Variants in CPZ observed in about 807,000 individuals in gnomAD.
CPZ encodes the protein VEZT/CPZ fusion.
CPZ carries 103 observed loss-of-function variants against 61.8 expected under a neutral mutation model. The observed-to-expected ratio is 1.67, with a 90% CI of 1.42 to 1.96. The LOEUF is 1.96. CPZ is among the 30% of genes most tolerant of loss of function. The pLI is 0.00. For synonymous variants in CPZ, 551 were observed against 373.7 expected (o/e 1.47, Z -5.47); for missense variants, 1,461 against 914.9 (o/e 1.60, Z -7.70).
chr4:8,618,085 C>A (rs1312961697), intron 9 of CPZ: 1 of 313,714 alleles, frequency 3.2e-6, no homozygotes, highest in Non-Finnish European at 6.1e-6. Context: ...CCCGCTGGGG[C>A]TGGGAAGGCA....
In CPZ at chr4:8,618,418, G is replaced by A. The variant is rs753101819; in HGVS notation, c.1504-11G>A. 1.2e-6 allele frequency: 2 copies of A among 1,613,836 alleles called. No homozygotes were observed. Among genetic ancestry groups the A allele is most frequent in the Non-Finnish European group, 1.7e-6 (2 of 1,179,792 alleles). On this transcript the variant is annotated splice_polypyrimidine_tract_variant and intron_variant, in intron 9 of 10. Coordinates refer to ENST00000360986, the MANE Select transcript of CPZ (RefSeq NM_001014447.3). Reference sequence around the variant, plus strand: ...CACGCCATCTCCCTGGCCTCCCCTTGGTCTCTTCAGGTGCACCGGGGCATC... The same window carrying A: ...CACGCCATCTCCCTGGCCTCCCCTTAGTCTCTTCAGGTGCACCGGGGCATC...
chr4:8,592,791 T>C lies in CPZ; in HGVS notation c.-43T>C. 1 of 1,323,948 alleles carries C rather than the reference T, an allele frequency of 7.6e-7. No individual in the cohort carries two copies. Among genetic ancestry groups the C allele is most frequent in the Non-Finnish European group, 9.7e-7 (1 of 1,027,088 alleles). The allele number at this position is 1,323,948 out of a possible 1,614,324, so 82.0% of individuals were successfully genotyped here. A position where few individuals can be genotyped will look rare whatever the true frequency, so the allele number is the denominator to read the frequency against. On this transcript the variant is annotated 5_prime_UTR_variant, in exon 1 of 11. Coordinates refer to ENST00000360986, the MANE Select transcript of CPZ (RefSeq NM_001014447.3). ...GAGCCCCGGCCCCGCGCGGCCCGAG[T>C]GCCACATCACTGCGCTGGCCGTCCA...
intron 5 of CPZ, among the ~76,000 whole-genome samples, 175 bp downstream of exon 5, chr4:8,606,360 A>G (rs572573966): frequency 6.6e-6 from 1 of 152,330 alleles, no homozygotes; most frequent in East Asian, 1.9e-4. Context: ...GAAGGAAGGC[A>G]CTGAGAATTC....
At chr4:8,618,199 C>G in intron 9 of CPZ, 1 of 554,512 alleles carries the variant, frequency 1.8e-6, no homozygotes, top group Non-Finnish European at 3.2e-6. Context: ...CAGGGTCATT[C>G]AAAAGCCCAG....
At chr4:8,616,889 C>A (rs1437478479) in intron 9 of CPZ, among the ~76,000 whole-genome samples, 1 of 152,228 alleles carries the variant, frequency 6.6e-6, no homozygotes, top group Non-Finnish European at 1.5e-5. Context: ...CCCCAGAGGG[C>A]AGGGGGCAGT....
chr4:8,604,063 G>T lies in CPZ; in HGVS notation c.584G>T (p.Arg195Leu). The change falls in exon 4 of 11, where the codon CGT becomes CTT. Residue 195 changes from arginine to leucine, a missense_variant. Transcript: ENST00000360986. ...FSHHSYAQMV[R>L]VLRRTASRCA... Reference sequence around the variant, plus strand: ...CACCACTCCTACGCCCAGATGGTGCGTGTGCTGAGGCGGACGGCCTCCCGC... The same window carrying T: ...CACCACTCCTACGCCCAGATGGTGCTTGTGCTGAGGCGGACGGCCTCCCGC... 1 of 1,611,520 alleles carries T rather than the reference G, an allele frequency of 6.2e-7. No individual in the cohort carries two copies. Among genetic ancestry groups the T allele is most frequent in the South Asian group, 1.1e-5 (1 of 90,988 alleles).
chr4:8,606,659 C>G (rs1413061848), intron 5 of CPZ, 78 bp from the exon 6 acceptor site: 2 of 1,568,586 alleles, frequency 1.3e-6, no homozygotes, highest in South Asian at 1.1e-5. Context: ...TGACCCTCAG[C>G]CCAGCGTGAG....
At chr4:8,610,546 CGAGGCTACACCCT>C (rs1231949697) in intron 7 of CPZ, among the ~76,000 whole-genome samples, 2 of 150,532 alleles carry the variant, frequency 1.3e-5, no homozygotes, top group Non-Finnish European at 3.0e-5. Flanking sequence ...TCCTACCCCC[CGAGGCTACACCCT>C]GTCAAGCTGA....
intron 7 of CPZ, 134 bp from the exon 8 acceptor site, chr4:8,611,893 A>G (rs1009095549): frequency 4.0e-5 from 50 of 1,248,116 alleles, no homozygotes; most frequent in Middle Eastern, 2.4e-4. Flanking sequence ...CCCCTCTCCT[A>G]CCTGCAGACA....
Position 8,619,525 on chromosome 4 carries a change from A to G in CPZ, c.1867A>G (p.Arg623Gly). 6.3e-7 allele frequency: 1 copy of G among 1,592,020 alleles called. No homozygotes were observed. The highest frequency in any genetic ancestry group is 8.6e-7 in the Non-Finnish European group (1 of 1,167,800). Residue 623 changes from arginine to glycine, a missense_variant, in exon 11 of 11, where the codon AGG becomes GGG. Arg to Gly is a moderately radical substitution (Grantham distance 125). Coordinates refer to ENST00000360986, the MANE Select transcript of CPZ (RefSeq NM_001014447.3). ...ATEPDPLRAR[R>G]QPSADGSKPW... is the part of the protein sequence containing the mutation. ...GGAGCCCGACCCGCTCCGGGCGCGC[A>G]GGCAGCCCTCGGCCGACGGGAGTAA...
chr4:8,617,686 T>C (rs1036222141), intron 9 of CPZ, among the ~76,000 whole-genome samples: 29 of 152,166 alleles, frequency 1.9e-4, no homozygotes, highest in Non-Finnish European at 2.9e-5. Context: ...GGGGGCAGCC[T>C]CGCTGGACGG....
chr4:8,596,343 C>T (rs1418274353), intron 1 of CPZ, among the ~76,000 whole-genome samples: 46 of 152,360 alleles, frequency 3.0e-4, no homozygotes, highest in Non-Finnish European at 6.6e-4. Context: ...GGCCACTGCA[C>T]CCGGCTGTTG....
chr4:8,596,212 C>T (rs533812272), intron 1 of CPZ, among the ~76,000 whole-genome samples: 10 of 152,236 alleles, frequency 6.6e-5, no homozygotes, highest in South Asian at 2.1e-4. Context: ...CCACCATGCC[C>T]GGCTAATTTT....
rs543872873 is a variant in CPZ, at chr4:8,607,041, G to A, written c.1068+143G>A. ...GCCTCAGTTACCTGTCTGTGAAATG[G>A]GAACACCTCCTTGCTGGGGTGTTGG... is the stretch of plus-strand genomic sequence containing the variant. On this transcript the variant is annotated intron_variant, in intron 6 of 10. Coordinates refer to ENST00000360986, the MANE Select transcript of CPZ (RefSeq NM_001014447.3). 2.4e-5 allele frequency: 27 copies of A among 1,111,600 alleles called. 1 individual carries two copies. In the South Asian group the frequency reaches 4.2e-4, roughly 17 times the overall value. The allele number at this position is 1,111,600 out of a possible 1,614,324, so 68.9% of individuals were successfully genotyped here.
intron 1 of CPZ, 76 bp from the exon 2 acceptor site, chr4:8,599,377 G>A (rs1260765674): frequency 6.7e-6 from 10 of 1,501,394 alleles, no homozygotes; most frequent in Non-Finnish European, 8.0e-6. Context: ...CTGCACTCAG[G>A]GCCCTGGCCG....
At position 8,619,337 on chromosome 4, in the gene CPZ, A is replaced by G. The variant is rs367660703; in HGVS notation, c.1679A>G (p.Lys560Arg). ...ATTGCCCAAGCCCCTGGCTACGCCA[A>G]AGTCATCAAGAAAGTCATCATCCCC... ...IVIAQAPGYA[K>R]VIKKVIIPAR... is the part of the protein sequence containing the mutation. The change falls in exon 11 of 11, where the codon AAA becomes AGA. Residue 560 changes from lysine (K) to arginine (R), a missense_variant. Physicochemically the swap from Lys to Arg is conservative, Grantham distance 26 (BLOSUM62 2). Transcript: ENST00000360986. 8.1e-5 allele frequency: 130 copies of G among 1,614,022 alleles called. No individual in the cohort carries two copies. The highest frequency in any genetic ancestry group is 1.3e-4 in the Admixed American group (8 of 60,000).
intron 1 of CPZ, among the ~76,000 whole-genome samples, chr4:8,598,920 C>A (rs1714370259): frequency 6.6e-6 from 1 of 152,216 alleles, no homozygotes; most frequent in African/African-American, 2.4e-5. Flanking sequence ...AGAGGCCACA[C>A]CCTGGTGGTG....
At chr4:8,592,976 G>A in intron 1 of CPZ, 55 bp downstream of exon 1, 1 of 1,368,736 alleles carries the variant, frequency 7.3e-7, no homozygotes. Context: ...CCTCTGGGGA[G>A]TGTGATCCGT....
At chr4:8,605,907 T>G in intron 4 of CPZ, 82 bp from the exon 5 acceptor site, 1 of 1,412,396 alleles carries the variant, frequency 7.1e-7, no homozygotes, top group Non-Finnish European at 9.8e-7. Context: ...CATCTGGTCA[T>G]TCTTGCTGAG....
Sources: allele counts gnomAD v4.1 joint callset (sites outside exome capture counted in the v4.1 genomes callset), GRCh38; gene constraint gnomAD v4.1.1; transcripts MANE v1.5; gene names NCBI Gene and HGNC (gene_info 2026-07-23, HGNC 2026-07-21).